The following OLA1 variants were observed in gnomAD, a reference collection of about 807,000 sequenced individuals.
OLA1 encodes Obg like ATPase 1, also known as obg-like ATPase 1.
In OLA1, 14 loss-of-function variants were observed where a neutral mutation model predicts 48.4. That is an observed-to-expected ratio of 0.29 (90% confidence interval 0.19 to 0.45). The LOEUF (loss-of-function observed/expected upper bound fraction) is 0.45. Ranked by LOEUF, OLA1 falls within the 20% of genes least tolerant of loss-of-function variation. The pLI, the probability that OLA1 is intolerant of heterozygous loss-of-function variation, is 1.00. For synonymous variants in OLA1, 127 were observed against 150.4 expected (o/e 0.84, Z 1.14); for missense variants, 325 against 467.1 (o/e 0.70, Z 2.80).
intron 4 of OLA1, among the ~76,000 whole-genome samples, chr2:174,144,432 C>T (rs551634378): frequency 6.6e-6 from 1 of 152,190 alleles, no homozygotes; most frequent in South Asian, 2.1e-4. Context: ...AACACTAAGG[C>T]TATCCTGTCA....
intron 4 of OLA1, among the ~76,000 whole-genome samples, chr2:174,162,182 G>A (rs534692484): frequency 1.1e-4 from 17 of 152,270 alleles, no homozygotes; most frequent in Admixed American, 1.1e-3. Flanking sequence ...GAGTAAATAT[G>A]TCTGAGGAAA....
intron 4 of OLA1, among the ~76,000 whole-genome samples, chr2:174,216,080 G>C (rs1688354928): frequency 6.6e-6 from 1 of 152,102 alleles, no homozygotes; most frequent in Non-Finnish European, 1.5e-5. Context: ...AGGACTGCTT[G>C]AGCCCAGGAG....
At chr2:174,171,737 G>A (rs1687307366) in intron 4 of OLA1, among the ~76,000 whole-genome samples, 1 of 152,202 alleles carries the variant, frequency 6.6e-6, no homozygotes, top group South Asian at 2.1e-4. Context: ...CCAAACAGGC[G>A]TTTGATGGGC....
chr2:174,211,394 G>T, intron 4 of OLA1, among the ~76,000 whole-genome samples: 1 of 152,182 alleles, frequency 6.6e-6, no homozygotes, highest in Non-Finnish European at 1.5e-5. Flanking sequence ...GAACCACCAT[G>T]ATTAGCCCAG....
intron 5 of OLA1, among the ~76,000 whole-genome samples, chr2:174,131,263 T>C (rs1254858485): frequency 6.6e-6 from 1 of 152,184 alleles, no homozygotes; most frequent in Non-Finnish European, 1.5e-5. Context: ...ATATTATTTG[T>C]GAATTCATCC....
chr2:174,106,557 G>C (rs931987199), intron 7 of OLA1, among the ~76,000 whole-genome samples: 18 of 152,128 alleles, frequency 1.2e-4, no homozygotes, highest in African/African-American at 4.1e-4. Context: ...ATTAAAGTTT[G>C]AGAAATTGCT....
chr2:174,112,098 C>T (rs1277078562), intron 7 of OLA1, among the ~76,000 whole-genome samples: 2 of 152,120 alleles, frequency 1.3e-5, no homozygotes, highest in African/African-American at 4.8e-5. Context: ...AACAACAAAA[C>T]CTTACCTAAA....
intron 7 of OLA1, among the ~76,000 whole-genome samples, chr2:174,100,160 C>T (rs1284851362): frequency 6.6e-6 from 1 of 152,114 alleles, no homozygotes; most frequent in Non-Finnish European, 1.5e-5. Context: ...AATAATATGT[C>T]ACACAGCAAT....
In OLA1 at chr2:174,197,909, A is replaced by G. The variant is rs551139802; in HGVS notation, c.373+25124T>C. Among the ~76,000 whole-genome samples the G allele has an allele frequency of 3.9e-5, 6 of 152,362 alleles. No individual in the cohort carries two copies. The South Asian group carries it at 1.0e-3, about 26-fold the overall frequency. ...AAGGGGTTCAAAACATACAATAGCT[A>G]TTCAGTCTTTTCAAATGATCACGTA... On this transcript the variant is annotated intron_variant, in intron 4 of 10. Transcript: ENST00000284719.
intron 7 of OLA1, among the ~76,000 whole-genome samples, chr2:174,094,989 T>C (rs1685213782): frequency 6.6e-6 from 1 of 152,244 alleles, no homozygotes; most frequent in South Asian, 2.1e-4. Context: ...TCCTTAATTT[T>C]AAAGCTGAAA....
At chr2:174,090,152 A>AGG (rs1225411099) in intron 7 of OLA1, among the ~76,000 whole-genome samples, 1 of 152,168 alleles carries the variant, frequency 6.6e-6, no homozygotes, top group Non-Finnish European at 1.5e-5. Context: ...ATAATAAGAC[A>AGG]GCATGTGTGT....
At chr2:174,223,422 CTT>C (rs1416345333) in intron 3 of OLA1, among the ~76,000 whole-genome samples, 4 of 152,080 alleles carry the variant, frequency 2.6e-5, no homozygotes, top group South Asian at 4.1e-4. Context: ...AATTAAAACT[CTT>C]ATCATTAATT....
At chr2:174,119,940 A>AACACACACACACACAAACAC (rs1685875491) in intron 7 of OLA1, among the ~76,000 whole-genome samples, 2 of 129,674 alleles carry the variant, frequency 1.5e-5, no homozygotes, top group Non-Finnish European at 3.3e-5. Context: ...ATGTGTGTAT[A>AACACACACACACACAAACAC]ACACACACAC....
At chr2:174,227,544 G>T (rs1688642315) in intron 3 of OLA1, among the ~76,000 whole-genome samples, 1 of 151,646 alleles carries the variant, frequency 6.6e-6, no homozygotes, top group South Asian at 2.1e-4. Context: ...GGTATGCAAG[G>T]GTATATAAGC....
At chr2:174,160,492 A>C (rs1353189673) in intron 4 of OLA1, among the ~76,000 whole-genome samples, 5 of 152,242 alleles carry the variant, frequency 3.3e-5, no homozygotes, top group Admixed American at 3.3e-4. Context: ...GATTCAAAAA[A>C]GCAAATAAAT....
chr2:174,208,298 T>G (rs1574551961), intron 4 of OLA1, among the ~76,000 whole-genome samples: 1 of 152,152 alleles, frequency 6.6e-6, no homozygotes, highest in Non-Finnish European at 1.5e-5. Context: ...CCATTATTAT[T>G]AAATTAGAAA....
chr2:174,226,559 G>A (rs1257354724), intron 3 of OLA1, among the ~76,000 whole-genome samples: 1 of 151,776 alleles, frequency 6.6e-6, no homozygotes, highest in African/African-American at 2.4e-5. Context: ...GAGTGTAATG[G>A]CGCCATCTTG....
chr2:174,147,949 G>T (rs182015494), intron 4 of OLA1, among the ~76,000 whole-genome samples: 1 of 152,166 alleles, frequency 6.6e-6, no homozygotes, highest in Admixed American at 6.5e-5. Context: ...TCAGCCTCCT[G>T]AATAGCTGGG....
intron 5 of OLA1, among the ~76,000 whole-genome samples, chr2:174,126,539 C>T (rs1183782999): frequency 1.3e-5 from 2 of 152,170 alleles, no homozygotes; most frequent in Non-Finnish European, 2.9e-5. Context: ...GGTTAGACTG[C>T]AGTTACATGA....
Sources: gnomAD v4.1 joint callset for allele counts (sites outside exome capture counted in the v4.1 genomes callset) on GRCh38, gnomAD v4.1.1 for gene constraint, MANE v1.5 for transcripts, NCBI Gene and HGNC (gene_info 2026-07-23, HGNC 2026-07-21) for gene names.